THSD7B: variants seen among roughly 807,000 people sequenced by gnomAD.
THSD7B encodes the protein thrombospondin type-1 domain-containing protein 7B.
A neutral mutation model predicts 213.6 loss-of-function variants in THSD7B; 138 were observed. That is an observed-to-expected ratio of 0.65 (90% CI 0.56 to 0.74). The LOEUF (loss-of-function observed/expected upper bound fraction) is 0.74, where lower values mean the gene tolerates loss of function less well. Among genes scored for constraint, THSD7B ranks in the 30% least tolerant of loss-of-function variants. The pLI is 0.00. For synonymous variants in THSD7B, 742 were observed against 687.0 expected, an observed-to-expected ratio of 1.08 and a Z score of -1.25; for missense variants, 1,931 against 1,991.5, an observed-to-expected ratio of 0.97 and a Z score of 0.58.
At chr2:137,497,517 A>C (rs554157956) in intron 15 of THSD7B, among the ~76,000 whole-genome samples, 2 of 152,236 alleles carry the variant, frequency 1.3e-5, no homozygotes, top group Admixed American at 1.3e-4. Context: ...ATTGCATACA[A>C]GCTTTCCAAG....
At chr2:137,328,000 C>T (rs1684410349) in intron 12 of THSD7B, among the ~76,000 whole-genome samples, 1 of 152,102 alleles carries the variant, frequency 6.6e-6, no homozygotes, top group South Asian at 2.1e-4. Flanking sequence ...AATTACAAAG[C>T]CGTTGCAATG....
intron 5 of THSD7B, among the ~76,000 whole-genome samples, chr2:137,149,935 A>G (rs1420928764): frequency 6.6e-6 from 1 of 152,200 alleles, no homozygotes. Flanking sequence ...GGAAGACATG[A>G]TTACATTTTG....
intron 1 of THSD7B, among the ~76,000 whole-genome samples, chr2:136,852,320 A>G (rs1314591311): frequency 6.6e-6 from 1 of 150,754 alleles, no homozygotes; most frequent in Admixed American, 6.6e-5. Context: ...AAACAAAACA[A>G]AACAAAACAA....
At chr2:137,263,003 A>G (rs754396139) in intron 10 of THSD7B, among the ~76,000 whole-genome samples, 5 of 152,118 alleles carry the variant, frequency 3.3e-5, no homozygotes, top group African/African-American at 7.2e-5. Context: ...TCACTATTTG[A>G]TAAGGTTAGC....
intron 12 of THSD7B, among the ~76,000 whole-genome samples, chr2:137,352,387 A>C (rs1382049659): frequency 2.0e-5 from 3 of 151,972 alleles, no homozygotes; most frequent in Non-Finnish European, 4.4e-5. Flanking sequence ...TCTCCTTTCA[A>C]GGAGGGACAA....
chr2:137,657,624 G>A (rs1171358676), intron 24 of THSD7B, among the ~76,000 whole-genome samples: 1 of 152,146 alleles, frequency 6.6e-6, no homozygotes, highest in African/African-American at 2.4e-5. Flanking sequence ...CTTTTATGAT[G>A]TAAATTACAG....
chr2:137,155,683 T>C (rs1371774417), intron 5 of THSD7B, among the ~76,000 whole-genome samples: 1 of 152,162 alleles, frequency 6.6e-6, no homozygotes, highest in Non-Finnish European at 1.5e-5. Context: ...CAAATTTTGG[T>C]CTCACTGCCT....
chr2:137,572,406 A>T lies in THSD7B; in HGVS notation c.3273A>T (p.Arg1091Ser). The T allele has an allele frequency of 1.2e-6, 2 of 1,613,782 alleles. No individual in the cohort carries two copies. The highest frequency in any genetic ancestry group is 1.7e-6 in the Non-Finnish European group (2 of 1,179,762). The change falls in exon 17 of 28, where the codon AGA becomes AGT. Residue 1091 changes from arginine (R) to serine (S), a missense_variant and splice_region_variant. Physicochemically the swap from Arg to Ser is moderately radical, Grantham distance 110 (BLOSUM62 -1). Transcript: ENST00000409968. ...CGGGTQSRKI[R>S]CVNTADGEGG... ...ACTATCTTGTGACCTTGCTTTACAG[A>T]TGTGTGAATACTGCGGATGGTGAAG...
chr2:136,909,315 A>G (rs1684220719), intron 2 of THSD7B, among the ~76,000 whole-genome samples: 1 of 152,180 alleles, frequency 6.6e-6, no homozygotes, highest in East Asian at 1.9e-4. Context: ...AAGATTTTGG[A>G]AAAATGAGGG....
intron 1 of THSD7B, among the ~76,000 whole-genome samples, chr2:136,813,463 G>A (rs185866868): frequency 2.6e-5 from 4 of 152,128 alleles, no homozygotes; most frequent in Non-Finnish European, 4.4e-5. Context: ...TGACTTAAAC[G>A]TATACACACA....
At chr2:137,177,974 G>C (rs1055021800) in intron 7 of THSD7B, among the ~76,000 whole-genome samples, 1 of 149,828 alleles carries the variant, frequency 6.7e-6, no homozygotes, top group Non-Finnish European at 1.5e-5. Flanking sequence ...GGGAGGCTGA[G>C]ACAGGAGAAT....
At chr2:136,985,147 C>A (rs1048833515) in intron 2 of THSD7B, among the ~76,000 whole-genome samples, 1 of 152,012 alleles carries the variant, frequency 6.6e-6, no homozygotes, top group African/African-American at 2.4e-5. Flanking sequence ...GTAGCCTGGG[C>A]CTGTGGTAGG....
rs530341068 is a variant in THSD7B, at chr2:137,332,392, G to A, written c.2500+56366G>A. 2.2e-4 allele frequency among the ~76,000 whole-genome samples: 34 copies of A among 152,304 alleles called. 2 individuals carry two copies. The South Asian group carries it at 6.6e-3, about 30-fold the overall frequency. On this transcript the variant is annotated intron_variant, in intron 12 of 27. Transcript: ENST00000409968. ...CCAATTTCTCCCATTCAGAATGGGCGTATTTACTCAAAGCCTGTACCTGCA... is the reference window on the plus strand; with the variant it reads ...CCAATTTCTCCCATTCAGAATGGGCATATTTACTCAAAGCCTGTACCTGCA...
intron 9 of THSD7B, among the ~76,000 whole-genome samples, chr2:137,236,398 A>T (rs916167435): frequency 1.3e-5 from 2 of 152,218 alleles, no homozygotes. Flanking sequence ...CGAGTAATCG[A>T]ACTGATCATA....
intron 4 of THSD7B, among the ~76,000 whole-genome samples, chr2:137,109,755 T>TTGCTCATCTGCTGCTCACCTGC (rs61403356): frequency 6.6e-6 from 1 of 151,646 alleles, no homozygotes; most frequent in Non-Finnish European, 1.5e-5. Flanking sequence ...GAAGCTTCAC[T>TTGCTCATCTGCTGCTCACCTGC]TGCTCACCTG....
chr2:137,364,243 C>T (rs541490838), intron 12 of THSD7B, among the ~76,000 whole-genome samples: 2 of 152,276 alleles, frequency 1.3e-5, no homozygotes, highest in East Asian at 1.9e-4. Context: ...TGGGACATAT[C>T]TCAAAATAAT....
At chr2:137,322,857 G>A (rs1478116676) in intron 12 of THSD7B, among the ~76,000 whole-genome samples, 1 of 152,168 alleles carries the variant, frequency 6.6e-6, no homozygotes, top group Non-Finnish European at 1.5e-5. Context: ...GATAGGTACA[G>A]AAACCTAGTT....
At chr2:137,066,256 A>G (rs1223035367) in intron 3 of THSD7B, among the ~76,000 whole-genome samples, 1 of 147,370 alleles carries the variant, frequency 6.8e-6, no homozygotes, top group Non-Finnish European at 1.5e-5. Flanking sequence ...CGGTGGCATA[A>G]TCTCGGCTCA....
intron 1 of THSD7B, among the ~76,000 whole-genome samples, chr2:136,825,291 A>G (rs1682627481): frequency 6.6e-6 from 1 of 152,224 alleles, no homozygotes; most frequent in African/African-American, 2.4e-5. Flanking sequence ...ATTATCTTAT[A>G]GGTCTGGAGA....
Sources: gnomAD v4.1 joint callset for allele counts (sites outside exome capture counted in the v4.1 genomes callset) on GRCh38, gnomAD v4.1.1 for gene constraint, MANE v1.5 for transcripts, NCBI Gene and HGNC (gene_info 2026-07-23, HGNC 2026-07-21) for gene names.